Variants in CCDC81 observed in about 807,000 individuals in gnomAD.
CCDC81 encodes the protein coiled-coil domain-containing protein 81.
CCDC81 carries 79 observed loss-of-function variants against 83.7 expected under a neutral mutation model. The ratio of observed to expected loss-of-function variants is 0.94; its 90% CI spans 0.79 to 1.14. The LOEUF (loss-of-function observed/expected upper bound fraction) is 1.14. CCDC81 is among the 50% of genes most tolerant of loss of function. The pLI, the probability that CCDC81 is intolerant of heterozygous loss-of-function variation, is 0.00. For missense variants in CCDC81, 791 were observed against 778.1 expected, an observed-to-expected ratio of 1.02 and a Z score of -0.20; for synonymous variants, 252 against 278.1, an observed-to-expected ratio of 0.91 and a Z score of 0.93.
chr11:86,400,712 A>T lies in CCDC81; in HGVS notation c.792A>T (p.Gln264His), dbSNP rs751384443. 1 of 1,612,484 alleles carries T rather than the reference A, an allele frequency of 6.2e-7. No individual in the cohort carries two copies. Among genetic ancestry groups the T allele is most frequent in the African/African-American group, 1.3e-5 (1 of 74,908 alleles). ...CACCCAAAAGACTTCGAGATAGACA[A>T]GCTTTGTTCCCTGCCAAAGTGACAA... Reference protein sequence around the residue: ...ISSPKRLRDRQALFPAKVTNV... With the variant: ...ISSPKRLRDRHALFPAKVTNV... Residue 264 changes from glutamine (Q) to histidine (H), a missense_variant, in exon 7 of 15, where the codon CAA (glutamine) becomes CAT (histidine). Physicochemically the swap from Gln to His is conservative, Grantham distance 24. Coordinates refer to ENST00000445632, the MANE Select transcript of CCDC81 (RefSeq NM_001156474.2).
intron 1 of CCDC81, among the ~76,000 whole-genome samples, chr11:86,381,747 A>G (rs1948179161): frequency 6.6e-6 from 1 of 152,202 alleles, no homozygotes; most frequent in Admixed American, 6.5e-5. Flanking sequence ...GTTAGGATGG[A>G]GTGGTGACTT....
Position 86,375,849 on chromosome 11 carries a change from G to C in CCDC81, c.79+607G>C, listed in dbSNP as rs531901907. Among the ~76,000 whole-genome samples the C allele has an allele frequency of 8.3e-4, 126 of 152,264 alleles. 2 individuals carry two copies. In the Middle Eastern group the frequency reaches 0.024, roughly 29 times the overall value. ...TGTCTGCAAACCACAGGAGAAGAGA[G>C]GTGCTGCAGGAATGCAAACTCATTA... On this transcript the variant is annotated intron_variant, in intron 1 of 14. Transcript: ENST00000445632.
chr11:86,407,803 G>T (rs1195222694), intron 8 of CCDC81, 102 bp downstream of exon 8: 6 of 875,488 alleles, frequency 6.9e-6, no homozygotes, highest in South Asian at 1.6e-5. Context: ...ATATGAGTAT[G>T]GCTCAAGTAC....
intron 7 of CCDC81, among the ~76,000 whole-genome samples, chr11:86,401,722 A>G (rs78932240): frequency 9.2e-5 from 14 of 152,268 alleles, no homozygotes; most frequent in Admixed American, 4.6e-4. Flanking sequence ...TAAAAAAAAA[A>G]TGCATGCGAC....
chr11:86,415,748 A>G (rs1593942222), intron 13 of CCDC81, among the ~76,000 whole-genome samples: 2 of 152,136 alleles, frequency 1.3e-5, no homozygotes, highest in Admixed American at 6.6e-5. Flanking sequence ...ATCATGGCTC[A>G]CTGCAGCCTC....
Position 86,407,684 on chromosome 11 carries a change from C to T in CCDC81, c.952C>T (p.His318Tyr), listed in dbSNP as rs756363815. Residue 318 changes from histidine (H) to tyrosine (Y), a missense_variant, in exon 8 of 15, where the codon CAT (histidine) becomes TAT (tyrosine). Transcript: ENST00000445632. ...CCAAACATCTCCAGCTTGCCAGGAT[C>T]ATAACAAGGCAGGACAGGTACAGTG... The part of the protein sequence containing the change: ...KPQTSPACQD[H>Y]NKAGQEMCYV... 1.9e-6 allele frequency: 3 copies of T among 1,613,026 alleles called. No individual in the cohort carries two copies. In the Admixed American group the frequency reaches 5.0e-5, roughly 27 times the overall value.
intron 7 of CCDC81, among the ~76,000 whole-genome samples, chr11:86,403,298 A>G (rs1404834380): frequency 6.6e-6 from 1 of 152,122 alleles, no homozygotes; most frequent in Non-Finnish European, 1.5e-5. Context: ...ATATATCATA[A>G]GTATGAATAG....
chr11:86,416,584 T>C (rs978172596), intron 13 of CCDC81, among the ~76,000 whole-genome samples: 3 of 148,276 alleles, frequency 2.0e-5, no homozygotes, highest in African/African-American at 7.3e-5. Context: ...TAATCACATC[T>C]GCCCCTCCTA....
chr11:86,394,086 A>C (rs1274824506), intron 4 of CCDC81, among the ~76,000 whole-genome samples: 2 of 152,228 alleles, frequency 1.3e-5, no homozygotes, highest in Admixed American at 6.5e-5. Flanking sequence ...AGTGGGAAAC[A>C]CATGCAGGAA....
In CCDC81 at chr11:86,420,068, G is replaced by C. The variant is rs1228751060; in HGVS notation, c.1817+15G>C. Reference sequence around the variant, plus strand: ...GCTTTTGAACGGTAATGCCTGATTGGAACCCCAAAATTCTCCTGCTCCTTG... The same window carrying C: ...GCTTTTGAACGGTAATGCCTGATTGCAACCCCAAAATTCTCCTGCTCCTTG... On this transcript the variant is annotated intron_variant, in intron 14 of 14. Coordinates refer to ENST00000445632, the MANE Select transcript of CCDC81 (RefSeq NM_001156474.2). 4.4e-6 allele frequency: 7 copies of C among 1,606,576 alleles called. No homozygotes were observed. Among genetic ancestry groups the C allele is most frequent in the Non-Finnish European group, 5.1e-6 (6 of 1,177,740 alleles).
In CCDC81 at chr11:86,375,247, G is replaced by A. The variant is rs757352474; in HGVS notation, c.79+5G>A. The A allele has an allele frequency of 4.4e-6, 7 of 1,608,054 alleles. No homozygotes were observed. In the East Asian group the frequency reaches 1.6e-4, roughly 36 times the overall value. ...TGCCCTCGCTGAGCCAGGAGGGTAA[G>A]CGTGTTGGGTAGCAGGGGGTGGCCC... On this transcript the variant is annotated splice_donor_5th_base_variant and intron_variant, in intron 1 of 14. Transcript: ENST00000445632.
chr11:86,375,314 AC>A, intron 1 of CCDC81, 72 bp downstream of exon 1: 1 of 1,345,796 alleles, frequency 7.4e-7, no homozygotes, highest in Non-Finnish European at 1.0e-6. Context: ...AGGCGGGGGG[AC>A]CCACTTCCCA....
rs889080376 is a variant in CCDC81 at position 86,387,380 on chromosome 11, C to T, written c.142-136C>T. On this transcript the variant is annotated intron_variant, in intron 2 of 14. Transcript: ENST00000445632. ...CTTAGAATTATAAAATGCTATAGCT[C>T]TGAAGAGTCCTAGAGATCACTGAAT... The T allele has an allele frequency of 4.2e-6, 3 of 707,662 alleles. No individual in the cohort carries two copies. In the African/African-American group the frequency reaches 5.4e-5, roughly 13 times the overall value. 43.8% of individuals were successfully genotyped at this position (707,662 alleles called of 1,614,324 possible). A position where few individuals can be genotyped will look rare whatever the true frequency, so the allele number is the denominator to read the frequency against.
intron 4 of CCDC81, among the ~76,000 whole-genome samples, chr11:86,394,644 A>G (rs78371736): frequency 2.0e-5 from 3 of 152,188 alleles, no homozygotes; most frequent in Non-Finnish European, 4.4e-5. Flanking sequence ...TTTTATTAGA[A>G]ATATTTTCTA....
chr11:86,401,894 T>C (rs1948494126), intron 7 of CCDC81, among the ~76,000 whole-genome samples: 1 of 152,068 alleles, frequency 6.6e-6, no homozygotes, highest in Non-Finnish European at 1.5e-5. Flanking sequence ...CCCAGCACTT[T>C]GGGAGGCCGA....
chr11:86,418,860 A>G (rs1293159840), intron 13 of CCDC81, among the ~76,000 whole-genome samples: 1 of 152,090 alleles, frequency 6.6e-6, no homozygotes, highest in Non-Finnish European at 1.5e-5. Flanking sequence ...AAATTTTGTT[A>G]TGTGTTTTTT....
chr11:86,422,145 T>A (rs903481509), intron 14 of CCDC81, among the ~76,000 whole-genome samples: 1 of 152,146 alleles, frequency 6.6e-6, no homozygotes, highest in Non-Finnish European at 1.5e-5. Flanking sequence ...TCCTCTCAAC[T>A]CTCTGCTGTT....
chr11:86,395,095 A>G (rs1159028465), intron 4 of CCDC81: 1 of 344,910 alleles, frequency 2.9e-6, no homozygotes, highest in Non-Finnish European at 5.3e-6. Context: ...ATTCCCTAAA[A>G]GGAAATGGTT....
intron 1 of CCDC81, among the ~76,000 whole-genome samples, chr11:86,380,338 T>C (rs1434108416): frequency 6.6e-6 from 1 of 152,188 alleles, no homozygotes; most frequent in Non-Finnish European, 1.5e-5. Flanking sequence ...TCTCTATAGA[T>C]GAGGTGTTCC....
Sources: allele counts gnomAD v4.1 joint callset (sites outside exome capture counted in the v4.1 genomes callset), GRCh38; gene constraint gnomAD v4.1.1; transcripts MANE v1.5; gene names NCBI Gene and HGNC (gene_info 2026-07-23, HGNC 2026-07-21).